Variants in BSN observed in about 807,000 individuals in gnomAD.
BSN encodes the protein bassoon presynaptic cytomatrix protein.
Under a neutral mutation model 264.8 loss-of-function variants are expected in BSN, and 57 were observed. The observed-to-expected ratio is 0.22, with a 90% CI of 0.17 to 0.27. The LOEUF (loss-of-function observed/expected upper bound fraction) is 0.27. Ranked by LOEUF, BSN falls within the 10% of genes least tolerant of loss-of-function variation. The pLI is 1.00. For synonymous variants in BSN, 2,059 were observed against 2,137.3 expected (o/e 0.96, Z 1.01); for missense variants, 4,615 against 5,232.5 (o/e 0.88, Z 3.64).
At chr3:49,571,847 A>G (rs1221631368) in intron 1 of BSN, among the ~76,000 whole-genome samples, 1 of 152,180 alleles carries the variant, frequency 6.6e-6, no homozygotes, top group Non-Finnish European at 1.5e-5. Flanking sequence ...GGGTTTAGGC[A>G]TAAGGGATAG....
Position 49,663,769 on chromosome 3 carries a change from A to G in BSN, c.11509-18A>G, listed in dbSNP as rs568526776. On this transcript the variant is annotated intron_variant, in intron 7 of 11. Transcript: ENST00000296452. Reference sequence around the variant, plus strand: ...GCTGGGCATGGGCAGAATCTTAGCTATAGGTTCTGTGTTGCAGCCACGGGC... The same window carrying G: ...GCTGGGCATGGGCAGAATCTTAGCTGTAGGTTCTGTGTTGCAGCCACGGGC... 5 of 1,613,876 alleles carry G rather than the reference A, an allele frequency of 3.1e-6. No homozygotes were observed. Among genetic ancestry groups the G allele is most frequent in the East Asian group, 2.2e-5 (1 of 44,882 alleles).
chr3:49,628,077 A>G (rs1385533392), intron 2 of BSN, among the ~76,000 whole-genome samples: 1 of 152,204 alleles, frequency 6.6e-6, no homozygotes, highest in Non-Finnish European at 1.5e-5. Context: ...AGTCCCAGAG[A>G]AGGACGTGGG....
At chr3:49,575,615 GTA>G (rs1216457036) in intron 1 of BSN, among the ~76,000 whole-genome samples, 3 of 138,658 alleles carry the variant, frequency 2.2e-5, no homozygotes, top group African/African-American at 8.1e-5. Flanking sequence ...ATATATATGT[GTA>G]TATATATAGT....
At chr3:49,665,144 T>C in intron 10 of BSN, 85 bp from the exon 11 acceptor site, 3 of 332,122 alleles carry the variant, frequency 9.0e-6, no homozygotes, top group Non-Finnish European at 1.7e-5. Context: ...CCTGCAGGGC[T>C]CTCACAGCAC....
chr3:49,585,490 C>T lies in BSN; in HGVS notation c.224+30664C>T, dbSNP rs763801049. ...GCCTGCCACACCAGGCAGGCTCTTG[C>T]GGCTCCCAACTAGGCGGCCTTGCAC... On this transcript the variant is annotated intron_variant, in intron 1 of 11. Transcript: ENST00000296452. This position sits in a 1 kb window ranked among gnomAD's most constrained non-coding sequence, Gnocchi z 4.7. 6.6e-5 allele frequency among the ~76,000 whole-genome samples: 10 copies of T among 152,180 alleles called. No individual in the cohort carries two copies. The highest frequency in any genetic ancestry group is 2.1e-4 in the South Asian group (1 of 4,828).
Position 49,625,155 on chromosome 3 carries a change from A to G in BSN, c.405A>G (p.Thr135=). 1 of 1,582,708 alleles carries G rather than the reference A, an allele frequency of 6.3e-7. No individual in the cohort carries two copies. The highest frequency in any genetic ancestry group is 8.6e-7 in the Non-Finnish European group (1 of 1,163,348). ...GGACGCTGCAGGTAGACAGCAGGAC[A>G]CAGAGATCAGGGCGGTCCCCCTCAG... ...PRRTLQVDSR[T]QRSGRSPSVS... Residue 135 remains threonine (T), a synonymous_variant, in exon 2 of 12, where the codon ACA becomes ACG. Transcript: ENST00000296452. This position sits in a 1 kb window ranked among gnomAD's most constrained non-coding sequence, Gnocchi z 4.4.
At chr3:49,570,626 C>T (rs1346909747) in intron 1 of BSN, among the ~76,000 whole-genome samples, 1 of 152,186 alleles carries the variant, frequency 6.6e-6, no homozygotes, top group Non-Finnish European at 1.5e-5. Flanking sequence ...TACACAATCA[C>T]CTCCTTTTCT....
chr3:49,643,048 C>G lies in BSN; in HGVS notation c.1414C>G (p.Leu472Val), dbSNP rs760615053. The change falls in exon 3 of 12, where the codon CTC becomes GTC. Residue 472 changes from leucine (L) to valine (V), a missense_variant. Transcript: ENST00000296452. ...RAICPLCQAELNVGSKSPANY... is the reference protein window; with the variant it reads ...RAICPLCQAEVNVGSKSPANY... Reference sequence around the variant, plus strand: ...CATCTGCCCACTGTGCCAAGCCGAGCTCAACGTGGGCAGCAAGAGCCCAGC... The same window carrying G: ...CATCTGCCCACTGTGCCAAGCCGAGGTCAACGTGGGCAGCAAGAGCCCAGC... 3 of 1,614,058 alleles carry G rather than the reference C, an allele frequency of 1.9e-6. No individual in the cohort carries two copies. In the East Asian group the frequency reaches 6.7e-5, roughly 36 times the overall value.
At chr3:49,568,073 AG>A (rs2051767696) in intron 1 of BSN, among the ~76,000 whole-genome samples, 2 of 152,042 alleles carry the variant, frequency 1.3e-5, no homozygotes, top group Non-Finnish European at 2.9e-5. Flanking sequence ...TTTAGTCTTA[AG>A]AGACATGCAG....
intron 1 of BSN, among the ~76,000 whole-genome samples, chr3:49,581,145 C>A (rs2051893126): frequency 6.6e-6 from 1 of 152,084 alleles, no homozygotes. Flanking sequence ...CCATGCCAGG[C>A]TAATTTTTGT....
rs71080542 is a variant in BSN, at chr3:49,624,300, C to CTTTTTTTTTTT, written c.225-668_225-658dup. On this transcript the variant is annotated intron_variant, in intron 1 of 11. Coordinates refer to ENST00000296452, the MANE Select transcript of BSN (RefSeq NM_003458.4). Reference sequence around the variant, plus strand: ...CCAGGCGTGAGCCAACGTGCCCAGCCTTTTTTTTTTTTTTTTTAGACAGGG... The same window carrying CTTTTTTTTTTT: ...CCAGGCGTGAGCCAACGTGCCCAGCCTTTTTTTTTTTTTTTTTTTTTTTTTTTTAGACAGGG... Among the ~76,000 whole-genome samples the CTTTTTTTTTTT allele has an allele frequency of 1.4e-3, 94 of 67,184 alleles. 25 individuals carry two copies. The highest frequency in any genetic ancestry group is 1.5e-3 in the Non-Finnish European group (55 of 37,040). The allele number at this position is 67,184 out of a possible 152,430, so 44.1% of individuals were successfully genotyped here.
At position 49,651,839 on chromosome 3, in the gene BSN, C is replaced by T. The variant is rs573330798; in HGVS notation, c.2283C>T (p.Pro761=). The change falls in exon 5 of 12, where the codon CCC becomes CCT. Residue 761 remains proline, a synonymous_variant. Coordinates refer to ENST00000296452, the MANE Select transcript of BSN (RefSeq NM_003458.4). The surrounding 1 kb of genome is among the most constrained non-coding windows in gnomAD (Gnocchi z 5.4). ...SGTGEEQKQR[P]HSLSITPEAF... ...CTGGCGAGGAGCAGAAGCAGCGGCC[C>T]CACTCCTTGTCCATCACGCCTGAGG... The T allele has an allele frequency of 6.2e-7, 1 of 1,613,874 alleles. No homozygotes were observed. The highest frequency in any genetic ancestry group is 8.5e-7 in the Non-Finnish European group (1 of 1,180,036).
rs752516559 is a variant in BSN, at chr3:49,585,319, C to T, written c.224+30493C>T. On this transcript the variant is annotated intron_variant, in intron 1 of 11. Coordinates refer to ENST00000296452, the MANE Select transcript of BSN (RefSeq NM_003458.4). The surrounding 1 kb of genome is among the most constrained non-coding windows in gnomAD (Gnocchi z 4.7). ...GGAATCAGAAGCACCACTGTCCATC[C>T]GGAATTAAATCCACATCCCAGTATC... is the stretch of plus-strand genomic sequence containing the variant. Among the ~76,000 whole-genome samples, 1 of 152,094 alleles carries T rather than the reference C, an allele frequency of 6.6e-6. No homozygotes were observed. Among genetic ancestry groups the T allele is most frequent in the East Asian group, 1.9e-4 (1 of 5,196 alleles).
At chr3:49,605,939 A>G (rs1187022830) in intron 1 of BSN, among the ~76,000 whole-genome samples, 1 of 59,626 alleles carries the variant, frequency 1.7e-5, no homozygotes, top group Admixed American at 2.9e-4. Context: ...ATCTATTTAT[A>G]TATAAATATA....
intron 1 of BSN, among the ~76,000 whole-genome samples, chr3:49,611,645 A>G (rs929328637): frequency 6.6e-6 from 1 of 152,238 alleles, no homozygotes; most frequent in Non-Finnish European, 1.5e-5. Context: ...AGCCGAGCCT[A>G]GTAGGGGAAC....
rs114873565 is a variant in BSN at position 49,643,875 on chromosome 3, C to T, written c.1518+723C>T. On this transcript the variant is annotated intron_variant, in intron 3 of 11. Coordinates refer to ENST00000296452, the MANE Select transcript of BSN (RefSeq NM_003458.4). Reference sequence around the variant, plus strand: ...GCAGCCCCTGCTCCAGGGAAGGGCACTGAGCACTGTGCAGTGCTAGGCAGG... The same window carrying T: ...GCAGCCCCTGCTCCAGGGAAGGGCATTGAGCACTGTGCAGTGCTAGGCAGG... Among the ~76,000 whole-genome samples the T allele has an allele frequency of 6.6e-3, 1,012 of 152,282 alleles. 17 individuals carry two copies. The highest frequency in any genetic ancestry group is 0.023 in the African/African-American group (962 of 41,548).
chr3:49,656,610 C>A lies in BSN; in HGVS notation c.7054C>A (p.Pro2352Thr), dbSNP rs763383608. The A allele has an allele frequency of 2.1e-5, 34 of 1,605,834 alleles. No homozygotes were observed. The Admixed American group carries it at 5.8e-4, about 27-fold the overall frequency. ...PGGGSGALSRPGFEKEEASQE... is the reference protein window; with the variant it reads ...PGGGSGALSRTGFEKEEASQE... Reference sequence around the variant, plus strand: ...GGGTGGCAGTGGGGCCCTCAGCCGGCCAGGGTTCGAGAAAGAGGAAGCATC... The same window carrying A: ...GGGTGGCAGTGGGGCCCTCAGCCGGACAGGGTTCGAGAAAGAGGAAGCATC... The change falls in exon 5 of 12, where the codon CCA becomes ACA. Residue 2352 changes from proline to threonine, a missense_variant. By Grantham distance (38) the Pro-to-Thr change is conservative. This residue lies in a region of BSN where 3,415 missense variants were observed against 3,866.4 expected (regional missense o/e 0.88). Transcript: ENST00000296452.
downstream of BSN, among the ~76,000 whole-genome samples, chr3:49,673,087 C>CCTTTTTTTTTTTT (rs2052846305): frequency 2.3e-5 from 1 of 43,198 alleles, no homozygotes; most frequent in Non-Finnish European, 4.3e-5. Flanking sequence ...CCGGCCGGGA[C>CCTTTTTTTTTTTT]TTTTTTTTTT....
Position 49,663,337 on chromosome 3 carries a change from C to A in BSN, c.11179C>A (p.Gln3727Lys). Residue 3727 changes from glutamine to lysine, a missense_variant, in exon 7 of 12, where the codon CAA becomes AAA. By Grantham distance (53) the Gln-to-Lys change is moderately conservative. Coordinates refer to ENST00000296452, the MANE Select transcript of BSN (RefSeq NM_003458.4). ...CTCTGACAGCAAGAAGGGCTCCCGG[C>A]AAGCCCACTCCGGGCCCGCTGCACT... Reference protein sequence around the residue: ...HASDSKKGSRQAHSGPAALQS... With the variant: ...HASDSKKGSRKAHSGPAALQS... 1 of 1,613,814 alleles carries A rather than the reference C, an allele frequency of 6.2e-7. No homozygotes were observed.
Sources: gnomAD v4.1 joint callset for allele counts (sites outside exome capture counted in the v4.1 genomes callset) on GRCh38, gnomAD v4.1.1 for gene constraint, gnomAD v4.1.1 regional missense constraint, Gnocchi (gnomAD v3.1) non-coding constraint, MANE v1.5 for transcripts, NCBI Gene and HGNC (gene_info 2026-07-23, HGNC 2026-07-21) for gene names.